CUX1: variants seen among roughly 807,000 people sequenced by gnomAD.
CUX1 encodes cut like homeobox 1, also known as protein CASP.
CUX1 carries 31 observed loss-of-function variants against 158.8 expected under a neutral mutation model. The ratio of observed to expected loss-of-function variants is 0.20; its 90% CI spans 0.15 to 0.26. CUX1 has a LOEUF of 0.26. Among genes scored for constraint, CUX1 ranks in the 10% least tolerant of loss-of-function variants. CUX1 has a pLI of 1.00. For missense variants in CUX1, 1,589 were observed against 2,014.6 expected, an observed-to-expected ratio of 0.79 and a Z score of 4.04; for synonymous variants, 879 against 862.1, an observed-to-expected ratio of 1.02 and a Z score of -0.34.
chr7:102,185,876 C>T (rs182378072), intron 11 of CUX1, among the ~76,000 whole-genome samples: 8 of 152,102 alleles, frequency 5.3e-5, no homozygotes, highest in African/African-American at 1.9e-4. Context: ...ACTGTAGGAC[C>T]CCAGAGATTT....
Position 102,013,524 on chromosome 7 carries a change from A to G in CUX1, c.142-14574A>G, listed in dbSNP as rs1768170905. Among the ~76,000 whole-genome samples, 4 of 152,328 alleles carry G rather than the reference A, an allele frequency of 2.6e-5. No individual in the cohort carries two copies. In the South Asian group the frequency reaches 6.2e-4, roughly 24 times the overall value. ...AACAGGCCTGAGAAAGCTTGCTTAG[A>G]GGAATTCCAAAAGTATTCAAAAGGC... is the stretch of plus-strand genomic sequence containing the variant. On this transcript the variant is annotated intron_variant, in intron 2 of 23. Transcript: ENST00000292535.
intron 2 of CUX1, among the ~76,000 whole-genome samples, chr7:102,017,554 A>G (rs1395586372): frequency 3.3e-5 from 5 of 152,154 alleles, no homozygotes; most frequent in African/African-American, 4.8e-5. Flanking sequence ...ATAAATTAAA[A>G]TACAATATGT....
chr7:102,178,164 A>C (rs182665198), intron 10 of CUX1, among the ~76,000 whole-genome samples: 1 of 152,340 alleles, frequency 6.6e-6, no homozygotes, highest in Non-Finnish European at 1.5e-5. Context: ...GGCCTCCCAA[A>C]GTGCTGGGAT....
intron 1 of CUX1, among the ~76,000 whole-genome samples, chr7:101,821,038 AGT>A (rs146581296): frequency 1.3e-5 from 2 of 152,026 alleles, no homozygotes; most frequent in African/African-American, 2.4e-5. Flanking sequence ...TGCCGAGAGA[AGT>A]GTGTGTGTGT....
intron 4 of CUX1, among the ~76,000 whole-genome samples, chr7:102,074,434 C>G (rs1386003776): frequency 1.3e-5 from 2 of 152,238 alleles, no homozygotes; most frequent in Non-Finnish European, 2.9e-5. Context: ...GCACCAGCTC[C>G]CACCTGCTTC....
chr7:102,143,609 G>T (rs1834698929), intron 8 of CUX1, among the ~76,000 whole-genome samples: 1 of 151,980 alleles, frequency 6.6e-6, no homozygotes, highest in Non-Finnish European at 1.5e-5. Context: ...CATATATATG[G>T]TATATTATTT....
chr7:101,935,171 CT>C (rs1360076557), intron 2 of CUX1, among the ~76,000 whole-genome samples: 7 of 152,166 alleles, frequency 4.6e-5, no homozygotes, highest in African/African-American at 7.2e-5. Flanking sequence ...ATGACATTAT[CT>C]TGTGAAATTC....
At chr7:102,047,413 A>AGG (rs764276434) in intron 3 of CUX1, among the ~76,000 whole-genome samples, 42 of 149,536 alleles carry the variant, frequency 2.8e-4, no homozygotes, top group Non-Finnish European at 5.4e-4. Context: ...GATTGGATAG[A>AGG]GGGATGGATG....
chr7:102,247,760 G>A (rs1452162254), intron 23 of CUX1, among the ~76,000 whole-genome samples: 2 of 152,242 alleles, frequency 1.3e-5, no homozygotes, highest in African/African-American at 4.8e-5. Flanking sequence ...GTTGGAGGCT[G>A]CAGTGAGCTG....
intron 8 of CUX1, among the ~76,000 whole-genome samples, chr7:102,132,229 G>C (rs1319842956): frequency 1.3e-5 from 2 of 151,666 alleles, no homozygotes; most frequent in African/African-American, 4.8e-5. Context: ...TGGATGGACA[G>C]ACGGATGGGC....
chr7:102,173,954 G>T (rs1250426145), intron 10 of CUX1, among the ~76,000 whole-genome samples: 2 of 152,122 alleles, frequency 1.3e-5, no homozygotes, highest in Admixed American at 6.5e-5. Context: ...GTTGGGCTTG[G>T]CTGGCAGAAT....
intron 3 of CUX1, among the ~76,000 whole-genome samples, chr7:102,038,833 T>G (rs772620811): frequency 1.3e-5 from 2 of 152,126 alleles, no homozygotes; most frequent in Non-Finnish European, 2.9e-5. Context: ...CACATGCCTG[T>G]AGTCCCAGCT....
At chr7:101,840,426 A>AT (rs1221592456) in intron 1 of CUX1, among the ~76,000 whole-genome samples, 7 of 152,086 alleles carry the variant, frequency 4.6e-5, no homozygotes, top group South Asian at 2.1e-4. Context: ...TTTTTAGAGA[A>AT]TTTTTTTTGG....
At position 102,252,215 on chromosome 7, in the gene CUX1, C is replaced by G; in HGVS notation, c.*3173C>G. 1.0e-6 allele frequency: 1 copy of G among 985,438 alleles called. No homozygotes were observed. The highest frequency in any genetic ancestry group is 1.2e-6 in the Non-Finnish European group (1 of 829,948). The allele number at this position is 985,438 out of a possible 1,614,324, so 61.0% of individuals were successfully genotyped here. The stretch of plus-strand genomic sequence containing the variant: ...TCTAAGAGCTGCCACTAAAATAATA[C>G]AGCAATCCGTGGCCAGGGGAGCACC... On this transcript the variant is annotated 3_prime_UTR_variant, in exon 24 of 24. Coordinates refer to ENST00000292535, the MANE Select transcript of CUX1 (RefSeq NM_181552.4).
chr7:102,089,007 C>T (rs1828249642), intron 4 of CUX1, among the ~76,000 whole-genome samples: 1 of 152,004 alleles, frequency 6.6e-6, no homozygotes, highest in Non-Finnish European at 1.5e-5. Flanking sequence ...TCATAGGTTG[C>T]CGAGGGTTTA....
At chr7:101,939,117 T>G (rs1807381869) in intron 2 of CUX1, among the ~76,000 whole-genome samples, 2 of 113,366 alleles carry the variant, frequency 1.8e-5, no homozygotes, top group Non-Finnish European at 3.5e-5. Flanking sequence ...ATATATATGA[T>G]GGTTCCACTG....
intron 11 of CUX1, chr7:102,187,048 TA>T (rs1793700877): frequency 6.6e-6 from 1 of 151,852 alleles, no homozygotes; most frequent in South Asian, 2.1e-4. Context: ...AAAAGACTCT[TA>T]TGGGACTTAG....
intron 1 of CUX1, among the ~76,000 whole-genome samples, chr7:101,834,897 G>A (rs759318141): frequency 6.6e-6 from 1 of 152,054 alleles, no homozygotes; most frequent in Non-Finnish European, 1.5e-5. Flanking sequence ...TCAGGAGGCT[G>A]AGGCAGGAGA....
intron 3 of CUX1, among the ~76,000 whole-genome samples, chr7:102,044,386 C>T (rs1338264668): frequency 6.6e-6 from 1 of 151,362 alleles, no homozygotes; most frequent in African/African-American, 2.4e-5. Context: ...GATGGGGTTT[C>T]ACTATGTTGT....
Sources: allele counts gnomAD v4.1 joint callset (sites outside exome capture counted in the v4.1 genomes callset), GRCh38; gene constraint gnomAD v4.1.1; transcripts MANE v1.5; gene names NCBI Gene and HGNC (gene_info 2026-07-23, HGNC 2026-07-21).